The following CACNB2 variants were observed in gnomAD, a reference collection of about 807,000 sequenced individuals.
CACNB2 encodes voltage-dependent L-type calcium channel subunit beta-2.
CACNB2 carries 42 observed loss-of-function variants against 73.3 expected under a neutral mutation model. The ratio of observed to expected loss-of-function variants is 0.57; its 90% CI spans 0.45 to 0.74. The LOEUF is 0.74. Among genes scored for constraint, CACNB2 ranks in the 30% least tolerant of loss-of-function variants. The pLI, the probability that CACNB2 is intolerant of heterozygous loss-of-function variation, is 0.00. For missense variants in CACNB2, 940 were observed against 853.0 expected, an observed-to-expected ratio of 1.10 and a Z score of -1.27; for synonymous variants, 348 against 310.3, an observed-to-expected ratio of 1.12 and a Z score of -1.28.
intron 3 of CACNB2, among the ~76,000 whole-genome samples, chr10:18,443,006 A>G (rs1252462750): frequency 0.026 from 741 of 28,174 alleles, 102 homozygotes; most frequent in Admixed American, 0.034. Flanking sequence ...ATGTGTATAT[A>G]TATATATGTA....
chr10:18,185,394 A>G (rs1454969408), intron 2 of CACNB2, among the ~76,000 whole-genome samples: 1 of 152,174 alleles, frequency 6.6e-6, no homozygotes, highest in Admixed American at 6.5e-5. Flanking sequence ...TGTTATTTAA[A>G]TTCCATTTAT....
chr10:18,347,258 A>C lies in CACNB2; in HGVS notation c.214-54666A>C, dbSNP rs547935704. Among the ~76,000 whole-genome samples the C allele has an allele frequency of 2.6e-3, 388 of 150,760 alleles. 6 individuals are homozygous for C. Among genetic ancestry groups the C allele is most frequent in the Non-Finnish European group, 1.7e-3 (118 of 67,818 alleles). ...AGTGGTGAGATCTTGGCTCAATGCA[A>C]CCTCCGCCTCCCAGATGTAAGCAAT... On this transcript the variant is annotated intron_variant, in intron 2 of 13. Coordinates refer to ENST00000324631, the MANE Select transcript of CACNB2 (RefSeq NM_201596.3).
chr10:18,480,829 C>G (rs1012108277), intron 3 of CACNB2, among the ~76,000 whole-genome samples: 2 of 152,196 alleles, frequency 1.3e-5, no homozygotes, highest in African/African-American at 4.8e-5. Context: ...CACATCTTTT[C>G]AGACGTAAAC....
intron 5 of CACNB2, among the ~76,000 whole-genome samples, chr10:18,502,397 A>G (rs1346805373): frequency 6.6e-6 from 1 of 151,718 alleles, no homozygotes; most frequent in Non-Finnish European, 1.5e-5. Context: ...GGAATAGAAA[A>G]CCAAATACGG....
intron 2 of CACNB2, among the ~76,000 whole-genome samples, chr10:18,251,219 T>C (rs1449051802): frequency 6.6e-6 from 1 of 152,156 alleles, no homozygotes. Context: ...ATGAATTTTG[T>C]AGCCTTAAGC....
At chr10:18,361,123 A>G (rs1025356280) in intron 2 of CACNB2, among the ~76,000 whole-genome samples, 2 of 151,644 alleles carry the variant, frequency 1.3e-5, no homozygotes, top group Non-Finnish European at 2.9e-5. Flanking sequence ...AACTCTCTTT[A>G]TTCTTTTATC....
intron 3 of CACNB2, among the ~76,000 whole-genome samples, chr10:18,454,166 G>A (rs987567100): frequency 6.6e-6 from 1 of 152,302 alleles, no homozygotes; most frequent in African/African-American, 2.4e-5. Context: ...GTGCTTTGAT[G>A]GGAGAAGGGT....
In CACNB2 at chr10:18,355,638, T is replaced by TA. The variant is rs1251027915; in HGVS notation, c.214-46286_214-46285insA. On this transcript the variant is annotated intron_variant, in intron 2 of 13. Transcript: ENST00000324631. ...TTTGATCTGATTTTTCTCTTTTTTTTTTTTTTTTATTTTTTTGAGACAGAG... is the reference window on the plus strand; with the variant it reads ...TTTGATCTGATTTTTCTCTTTTTTTTATTTTTTTTATTTTTTTGAGACAGAG... 6.6e-5 allele frequency among the ~76,000 whole-genome samples: 10 copies of TA among 151,442 alleles called. No individual in the cohort carries two copies. In the East Asian group the frequency reaches 1.9e-3, roughly 29 times the overall value.
At chr10:18,241,595 A>T (rs1247569453) in intron 2 of CACNB2, among the ~76,000 whole-genome samples, 3 of 152,128 alleles carry the variant, frequency 2.0e-5, no homozygotes, top group Admixed American at 6.5e-5. Context: ...AAAAAAAAAG[A>T]TACATACAGG....
chr10:18,200,130 A>T (rs2034815904), intron 2 of CACNB2, among the ~76,000 whole-genome samples: 1 of 152,250 alleles, frequency 6.6e-6, no homozygotes, highest in Middle Eastern at 3.4e-3. Flanking sequence ...TGTTCCTAAA[A>T]ATTACTAAAA....
intron 2 of CACNB2, among the ~76,000 whole-genome samples, chr10:18,217,792 A>G (rs920102270): frequency 4.0e-5 from 6 of 151,896 alleles, no homozygotes; most frequent in Non-Finnish European, 1.5e-5. Context: ...TGGAGCAGAA[A>G]GAGGGAAGGA....
At chr10:18,290,112 CTTTTTTTTTTTTTT>C (rs992393946) in intron 2 of CACNB2, among the ~76,000 whole-genome samples, 3 of 50,134 alleles carry the variant, frequency 6.0e-5, no homozygotes, top group African/African-American at 1.4e-4. Flanking sequence ...TTTTCTTTTT[CTTTTTTTTTTTTTT>C]TTTTTTTTTT....
intron 2 of CACNB2, among the ~76,000 whole-genome samples, chr10:18,290,488 G>A (rs1195557269): frequency 1.3e-5 from 2 of 152,098 alleles, no homozygotes; most frequent in East Asian, 1.9e-4. Context: ...TGGTCAAAGT[G>A]ACCATTCTCC....
chr10:18,184,119 T>C (rs1266298008), intron 2 of CACNB2, among the ~76,000 whole-genome samples: 3 of 152,206 alleles, frequency 2.0e-5, no homozygotes, highest in Non-Finnish European at 4.4e-5. Context: ...GATTTAATTT[T>C]AATCATCTTT....
chr10:18,513,769 T>C (rs10400076), intron 6 of CACNB2: 1 of 232,334 alleles, frequency 4.3e-6, no homozygotes, highest in South Asian at 5.9e-5. Context: ...AAGAATGTAT[T>C]CCAATATCAA....
At chr10:18,371,433 C>T (rs958860588) in intron 2 of CACNB2, among the ~76,000 whole-genome samples, 2 of 152,114 alleles carry the variant, frequency 1.3e-5, no homozygotes, top group Non-Finnish European at 2.9e-5. Context: ...GTTCAATTCC[C>T]ACCTATGAGT....
At chr10:18,394,982 AAC>A (rs2043648425) in intron 2 of CACNB2, among the ~76,000 whole-genome samples, 1 of 152,192 alleles carries the variant, frequency 6.6e-6, no homozygotes, top group Admixed American at 6.5e-5. Context: ...ACTTAAATGT[AAC>A]TCCGAATTAA....
chr10:18,232,251 C>A (rs2036252066), intron 2 of CACNB2, among the ~76,000 whole-genome samples: 2 of 152,108 alleles, frequency 1.3e-5, no homozygotes, highest in African/African-American at 4.8e-5. Flanking sequence ...TCATTTAATT[C>A]TCATGACCAA....
chr10:18,525,193 G>A (rs1188697378), intron 9 of CACNB2, among the ~76,000 whole-genome samples: 4 of 130,918 alleles, frequency 3.1e-5, no homozygotes, highest in Non-Finnish European at 6.8e-5. Context: ...TTTCTGTGCT[G>A]GGTGTCATTC....
Sources: gnomAD v4.1 joint callset for allele counts (sites outside exome capture counted in the v4.1 genomes callset) on GRCh38, gnomAD v4.1.1 for gene constraint, MANE v1.5 for transcripts, NCBI Gene and HGNC (gene_info 2026-07-23, HGNC 2026-07-21) for gene names.